The following TENM3 variants were observed in gnomAD, a reference collection of about 807,000 sequenced individuals.
The protein encoded by TENM3 is teneurin transmembrane protein 3.
A neutral mutation model predicts 255.1 loss-of-function variants in TENM3; 63 were observed. That is an observed-to-expected ratio of 0.25 (90% CI 0.20 to 0.30). The LOEUF (loss-of-function observed/expected upper bound fraction) is 0.30, where lower values mean the gene tolerates loss of function less well. Ranked by LOEUF, TENM3 falls within the 10% of genes least tolerant of loss-of-function variation. TENM3 has a pLI of 1.00. For synonymous variants in TENM3, 1,306 were observed against 1,322.3 expected (o/e 0.99, Z 0.27); for missense variants, 2,929 against 3,461.1 (o/e 0.85, Z 3.86).
At chr4:181,585,618 C>T in the TENM3 span, among the ~76,000 whole-genome samples, 2 of 151,976 alleles carry the variant, frequency 1.3e-5, no homozygotes, top group South Asian at 2.1e-4. Context: ...TTAAGCAGGA[C>T]AAAAATAATG....
the TENM3 span, among the ~76,000 whole-genome samples, chr4:181,722,063 G>C: frequency 6.6e-6 from 1 of 152,114 alleles, no homozygotes; most frequent in Non-Finnish European, 1.5e-5. Context: ...TGTAATCCAT[G>C]TATTCAAGGG....
chr4:182,373,387 A>G (rs557795544), intron 3 of TENM3, among the ~76,000 whole-genome samples: 1 of 152,322 alleles, frequency 6.6e-6, no homozygotes, highest in African/African-American at 2.4e-5. Flanking sequence ...TATTTGGCTC[A>G]CAGTTCTGCA....
At chr4:181,467,714 C>A in the TENM3 span, among the ~76,000 whole-genome samples, 1 of 151,930 alleles carries the variant, frequency 6.6e-6, no homozygotes, top group Admixed American at 6.6e-5. Context: ...AGGAACAGAG[C>A]AGAACACAAA....
intron 3 of TENM3, among the ~76,000 whole-genome samples, chr4:182,598,201 T>G (rs1367319080): frequency 2.0e-5 from 3 of 152,214 alleles, no homozygotes; most frequent in Non-Finnish European, 4.4e-5. Flanking sequence ...TAAAAAAATT[T>G]TTTTTAAATT....
intron 7 of TENM3, among the ~76,000 whole-genome samples, chr4:182,678,501 G>A (rs1225007846): frequency 6.6e-6 from 1 of 152,140 alleles, no homozygotes; most frequent in African/African-American, 2.4e-5. Flanking sequence ...GTTCTCCATG[G>A]TGCTTGAGAT....
intron 16 of TENM3, 68 bp from the exon 17 acceptor site, chr4:182,736,740 C>T: frequency 7.3e-7 from 1 of 1,373,790 alleles, no homozygotes; most frequent in African/African-American, 1.5e-5. Flanking sequence ...ATATGTGCTA[C>T]ATAAATATAT....
the TENM3 span, among the ~76,000 whole-genome samples, chr4:181,530,854 A>G: frequency 4.8e-4 from 73 of 152,178 alleles, no homozygotes; most frequent in African/African-American, 1.7e-3. Flanking sequence ...GAAAACATGA[A>G]CTGATCTAAG....
intron 3 of TENM3, among the ~76,000 whole-genome samples, chr4:182,424,566 G>A (rs1771068552): frequency 6.6e-6 from 1 of 151,550 alleles, no homozygotes; most frequent in Non-Finnish European, 1.5e-5. Flanking sequence ...AATGTTTCAA[G>A]CACATGTTTA....
chr4:181,721,044 C>T, the TENM3 span, among the ~76,000 whole-genome samples: 9 of 151,340 alleles, frequency 5.9e-5, no homozygotes, highest in Admixed American at 5.3e-4. Context: ...TCAGGGACAG[C>T]GTCTCTGATG....
At chr4:182,184,430 C>G (rs920686960) in intron 1 of TENM3, among the ~76,000 whole-genome samples, 2 of 149,836 alleles carry the variant, frequency 1.3e-5, no homozygotes, top group African/African-American at 4.9e-5. Context: ...GATGTAAGCA[C>G]TTAATAAAAC....
chr4:181,726,728 A>G, the TENM3 span, among the ~76,000 whole-genome samples: 3 of 152,144 alleles, frequency 2.0e-5, no homozygotes, highest in South Asian at 2.1e-4. Flanking sequence ...TTCTGCCACC[A>G]TCTACCTTGC....
the TENM3 span, among the ~76,000 whole-genome samples, chr4:181,800,594 C>T: frequency 6.6e-6 from 1 of 152,154 alleles, no homozygotes; most frequent in South Asian, 2.1e-4. Context: ...GATTGCACCA[C>T]TGCACTCCAG....
At chr4:181,564,490 C>T in the TENM3 span, among the ~76,000 whole-genome samples, 1 of 152,232 alleles carries the variant, frequency 6.6e-6, no homozygotes, top group South Asian at 2.1e-4. Context: ...AGCTCTTAAA[C>T]GCCATGGAAT....
chr4:182,441,184 T>C (rs950227189), intron 3 of TENM3, among the ~76,000 whole-genome samples: 8 of 152,192 alleles, frequency 5.3e-5, no homozygotes, highest in Non-Finnish European at 1.0e-4. Context: ...TTTATAATCC[T>C]GTAATTTTTA....
the TENM3 span, among the ~76,000 whole-genome samples, chr4:181,754,284 T>TCA: frequency 0.073 from 10,565 of 144,296 alleles, 408 homozygotes; most frequent in South Asian, 0.14. Context: ...TATATCCCAG[T>TCA]CACACACACA....
the TENM3 span, among the ~76,000 whole-genome samples, chr4:182,030,862 A>G: frequency 2.0e-5 from 3 of 152,016 alleles, no homozygotes; most frequent in African/African-American, 7.2e-5. Flanking sequence ...TTCTTTTGAT[A>G]ATTGTCTGTT....
At chr4:181,695,347 AGAGGGG>A in the TENM3 span, among the ~76,000 whole-genome samples, 2 of 152,238 alleles carry the variant, frequency 1.3e-5, no homozygotes, top group African/African-American at 4.8e-5. Flanking sequence ...CAGAGCCAAC[AGAGGGG>A]GAGCAGTGAT....
chr4:182,663,701 T>G (rs901153695), intron 6 of TENM3, among the ~76,000 whole-genome samples: 1 of 152,204 alleles, frequency 6.6e-6, no homozygotes, highest in African/African-American at 2.4e-5. Flanking sequence ...GGAGGATTTT[T>G]TTAAGTGATT....
chr4:181,951,702 G>C, the TENM3 span, among the ~76,000 whole-genome samples: 1 of 152,152 alleles, frequency 6.6e-6, no homozygotes, highest in Non-Finnish European at 1.5e-5. Flanking sequence ...AAGTGCATTT[G>C]TTCACTGTGG....
Sources: gnomAD v4.1 joint callset for allele counts (sites outside exome capture counted in the v4.1 genomes callset) on GRCh38, gnomAD v4.1.1 for gene constraint, MANE v1.5 for transcripts, NCBI Gene and HGNC (gene_info 2026-07-23, HGNC 2026-07-21) for gene names.